GTF2H2C: variants seen among roughly 807,000 people sequenced by gnomAD.
GTF2H2C encodes the protein GTF2H2 family member C.
A neutral mutation model predicts 24.8 loss-of-function variants in GTF2H2C; 5 were observed. The observed-to-expected ratio is 0.20, with a 90% CI of 0.11 to 0.42. GTF2H2C has a LOEUF of 0.42. Ranked by LOEUF, GTF2H2C falls within the 20% of genes least tolerant of loss-of-function variation. GTF2H2C has a pLI of 1.00. For synonymous variants in GTF2H2C, 14 were observed against 52.6 expected, an observed-to-expected ratio of 0.27 and a Z score of 3.18; for missense variants, 45 against 169.8, an observed-to-expected ratio of 0.27 and a Z score of 4.08.
intron 8 of GTF2H2C, 25 bp downstream of exon 8, chr5:69,568,232 G>A (rs1770865470): frequency 3.0e-6 from 1 of 328,824 alleles, no homozygotes. Flanking sequence ...ACCTTTACAT[G>A]ACTCAAGGAC....
rs1398445741 is a variant in GTF2H2C at position 69,588,364 on chromosome 5, A to C, written c.1029-1964A>C. On this transcript the variant is annotated intron_variant, in intron 15 of 16. Coordinates refer to ENST00000380729, the MANE Select transcript of GTF2H2C (RefSeq NM_001376000.2). ...CAAAGACATAGTTCAAAGAAATTTT[A>C]TATTGAAGGACAGAACTTTCTAGAT... is the stretch of plus-strand genomic sequence containing the variant. 8.2e-5 allele frequency among the ~76,000 whole-genome samples: 2 copies of C among 24,370 alleles called. 1 individual carries two copies. The highest frequency in any genetic ancestry group is 1.8e-4 in the Non-Finnish European group (2 of 11,314). 16.0% of individuals were successfully genotyped at this position (24,370 alleles called of 152,430 possible).
intron 1 of GTF2H2C, among the ~76,000 whole-genome samples, chr5:69,561,508 C>T (rs1165911468): frequency 8.8e-6 from 1 of 113,032 alleles, no homozygotes; most frequent in African/African-American, 3.5e-5. Flanking sequence ...GCCGAGATTG[C>T]GTCACTGCAC....
chr5:69,560,756 TA>T (rs947468306), intron 1 of GTF2H2C, among the ~76,000 whole-genome samples: 9 of 151,928 alleles, frequency 5.9e-5, no homozygotes. Context: ...ACAGATCACT[TA>T]AAAAAATTTT....
chr5:69,594,676 T>A lies in GTF2H2C; in HGVS notation c.*2478T>A, dbSNP rs1305038128. On this transcript the variant is annotated 3_prime_UTR_variant, in exon 17 of 17. Coordinates refer to ENST00000380729, the MANE Select transcript of GTF2H2C (RefSeq NM_001376000.2). ...GAGCATTCTATCTCCCCCTATCTGG[T>A]TTAGAAGGAAGGCCTTCATTAGTTA... 9 of 109,684 alleles carry A rather than the reference T, an allele frequency of 8.2e-5. No homozygotes were observed. The highest frequency in any genetic ancestry group is 1.6e-4 in the Non-Finnish European group (8 of 50,016). 6.8% of individuals were successfully genotyped at this position (109,684 alleles called of 1,614,324 possible).
At chr5:69,575,544 C>CA (rs1771302320) in intron 9 of GTF2H2C, among the ~76,000 whole-genome samples, 1 of 141,270 alleles carries the variant, frequency 7.1e-6, no homozygotes, top group African/African-American at 3.0e-5. Context: ...ACTAAAAATA[C>CA]AAAAAATTAG....
rs1772115408 is a variant in GTF2H2C, at chr5:69,594,475, A to T, written c.*2277A>T. 6.6e-6 allele frequency: 1 copy of T among 152,172 alleles called. No individual in the cohort carries two copies. The highest frequency in any genetic ancestry group is 6.8e-5 in the Admixed American group (1 of 14,616). The allele number at this position is 152,172 out of a possible 1,614,324, so 9.4% of individuals were successfully genotyped here. The stretch of plus-strand genomic sequence containing the variant: ...CACACACACACACACACACACACAC[A>T]CACTGATCAGAGTAACGGGAGTTTC... On this transcript the variant is annotated 3_prime_UTR_variant, in exon 17 of 17. Transcript: ENST00000380729.
intron 2 of GTF2H2C, among the ~76,000 whole-genome samples, chr5:69,563,889 C>T (rs1770570664): frequency 6.6e-6 from 1 of 151,726 alleles, no homozygotes; most frequent in African/African-American, 2.4e-5. Flanking sequence ...ATTCTCCTGC[C>T]TCAGCCTCCT....
rs949566427 is a variant in GTF2H2C at position 69,566,109 on chromosome 5, A to G, written c.57-22A>G. 3.8e-6 allele frequency: 6 copies of G among 1,566,916 alleles called. No homozygotes were observed. The Admixed American group carries it at 9.0e-5, about 24-fold the overall frequency. ...GTAATCATTTTAGCTTGTCTTTTCA[A>G]ACAAATAATTATGACTTATAGGGAG... is the stretch of plus-strand genomic sequence containing the variant. On this transcript the variant is annotated intron_variant, in intron 3 of 16. Transcript: ENST00000380729.
intron 2 of GTF2H2C, among the ~76,000 whole-genome samples, chr5:69,564,875 A>G (rs1420459512): frequency 6.6e-6 from 1 of 152,064 alleles, no homozygotes; most frequent in African/African-American, 2.4e-5. Context: ...AAAGACACTT[A>G]TTTTTATTGG....
chr5:69,593,828 C>T lies in GTF2H2C; in HGVS notation c.*1630C>T, dbSNP rs1327125156. On this transcript the variant is annotated 3_prime_UTR_variant, in exon 17 of 17. Transcript: ENST00000380729. ...GCGGGCGCCTGTAGTCCCAGCTATT[C>T]GGAAGGCTGGGGCAGGAGAATGGTG... 3 of 15,732 alleles carry T rather than the reference C, an allele frequency of 1.9e-4. No homozygotes were observed. The highest frequency in any genetic ancestry group is 7.2e-4 in the African/African-American group (3 of 4,170). 1.0% of individuals were successfully genotyped at this position (15,732 alleles called of 1,614,324 possible).
rs1172931556 is a variant in GTF2H2C, at chr5:69,560,268, A to G, written c.-267A>G. The G allele has an allele frequency of 1.1e-4, 16 of 152,240 alleles. No individual in the cohort carries two copies. The highest frequency in any genetic ancestry group is 1.6e-4 in the Non-Finnish European group (11 of 68,166). The allele number at this position is 152,240 out of a possible 1,614,324, so 9.4% of individuals were successfully genotyped here. On this transcript the variant is annotated 5_prime_UTR_variant, in exon 1 of 17. Coordinates refer to ENST00000380729, the MANE Select transcript of GTF2H2C (RefSeq NM_001376000.2). Reference sequence around the variant, plus strand: ...GTGAGTCCGCGTGTGGAAGTCTGTGAGGCGCAGAGGTGGGGCAGGCCGTCT... The same window carrying G: ...GTGAGTCCGCGTGTGGAAGTCTGTGGGGCGCAGAGGTGGGGCAGGCCGTCT...
chr5:69,580,918 T>G, intron 12 of GTF2H2C, among the ~76,000 whole-genome samples: 3 of 83,382 alleles, frequency 3.6e-5, no homozygotes, highest in Admixed American at 2.8e-4. Flanking sequence ...TGAGATGGAG[T>G]CTCATTCTAT....
Position 69,590,341 on chromosome 5 carries a change from T to C in GTF2H2C, c.1042T>C (p.Cys348Arg). 1 of 216,736 alleles carries C rather than the reference T, an allele frequency of 4.6e-6. No homozygotes were observed. Among genetic ancestry groups the C allele is most frequent in the Non-Finnish European group, 8.2e-6 (1 of 122,286 alleles). 13.4% of individuals were successfully genotyped at this position (216,736 alleles called of 1,614,324 possible). A position where few individuals can be genotyped will look rare whatever the true frequency, so the allele number is the denominator to read the frequency against. ...EYNGERFCYG[C>R]QGELKDQHVY... ...CTTTTTTTTCAGATTTTGTTATGGA[T>C]GTCAGGGGGAATTGAAAGACCAACA... Residue 348 changes from cysteine (C) to arginine (R), a missense_variant, in exon 16 of 17, where the codon TGT (cysteine) becomes CGT (arginine). Cys to Arg is a radical substitution (Grantham distance 180). Coordinates refer to ENST00000380729, the MANE Select transcript of GTF2H2C (RefSeq NM_001376000.2).
intron 8 of GTF2H2C, 74 bp from the exon 9 acceptor site, chr5:69,572,371 T>G: frequency 1.7e-6 from 1 of 581,972 alleles, no homozygotes; most frequent in Non-Finnish European, 2.5e-6. Flanking sequence ...ACATCATAGA[T>G]ATGTAAATTT....
chr5:69,568,067 A>G (rs1220560924), intron 7 of GTF2H2C, 86 bp from the exon 8 acceptor site: 12 of 207,182 alleles, frequency 5.8e-5, no homozygotes, highest in Non-Finnish European at 8.5e-5. Flanking sequence ...TTCTGCTCCA[A>G]TATCATCTAC....
chr5:69,560,683 C>T (rs1353953890), intron 1 of GTF2H2C: 2 of 150,940 alleles, frequency 1.3e-5, no homozygotes, highest in Non-Finnish European at 2.9e-5. Context: ...GCTCATGTAA[C>T]GGGAATCACA....
intron 9 of GTF2H2C, among the ~76,000 whole-genome samples, chr5:69,577,490 A>G (rs1424308273): frequency 7.4e-6 from 1 of 134,296 alleles, no homozygotes; most frequent in Non-Finnish European, 1.6e-5. Context: ...CAGTGGCGCA[A>G]TCTTGGCTCA....
chr5:69,587,096 C>T (rs1270747000), intron 15 of GTF2H2C, among the ~76,000 whole-genome samples: 1 of 119,824 alleles, frequency 8.3e-6, no homozygotes, highest in Non-Finnish European at 1.7e-5. Context: ...AGGAGAATCG[C>T]TTGAACTCGA....
At chr5:69,580,886 CTT>C (rs1192484378) in intron 12 of GTF2H2C, among the ~76,000 whole-genome samples, 2 of 126,452 alleles carry the variant, frequency 1.6e-5, no homozygotes, top group Non-Finnish European at 3.3e-5. Flanking sequence ...TTTTGGATCA[CTT>C]TTTTTTTTCT....
Sources: allele counts gnomAD v4.1 joint callset (sites outside exome capture counted in the v4.1 genomes callset), GRCh38; gene constraint gnomAD v4.1.1; transcripts MANE v1.5; gene names NCBI Gene and HGNC (gene_info 2026-07-23, HGNC 2026-07-21).